Variants in SERF1B observed in about 807,000 individuals in gnomAD.
SERF1B encodes small EDRK-rich factor 1.
chr5:70,029,285 G>A (rs1283128492), intron 2 of SERF1B, among the ~76,000 whole-genome samples: 10 of 151,794 alleles, frequency 6.6e-5, no homozygotes, highest in South Asian at 2.1e-4. Flanking sequence ...GCAGGCGTCC[G>A]CCACCATGCC....
rs1162118649 is a variant in SERF1B at position 70,041,421 on chromosome 5, C to T, written c.117-103C>T. On this transcript the variant is annotated intron_variant, in intron 2 of 2. Coordinates refer to ENST00000380750, the MANE Select transcript of SERF1B (RefSeq NM_022978.3). ...ATGCAAACATGCATACACACACATA[C>T]ACATAAATAAGGGGTGTGGGAATGT... is the stretch of plus-strand genomic sequence containing the variant. 3 of 673,914 alleles carry T rather than the reference C, an allele frequency of 4.5e-6. No individual in the cohort carries two copies. In the African/African-American group the frequency reaches 5.4e-5, roughly 12 times the overall value. 41.7% of individuals were successfully genotyped at this position (673,914 alleles called of 1,614,324 possible). A position where few individuals can be genotyped will look rare whatever the true frequency, so the allele number is the denominator to read the frequency against.
intron 2 of SERF1B, among the ~76,000 whole-genome samples, chr5:70,036,600 C>A (rs1774188594): frequency 9.8e-6 from 1 of 101,606 alleles, no homozygotes; most frequent in African/African-American, 4.3e-5. Flanking sequence ...AACATACACA[C>A]ACACACACAC....
At chr5:70,028,995 T>G (rs1290727793) in intron 2 of SERF1B, among the ~76,000 whole-genome samples, 2 of 151,946 alleles carry the variant, frequency 1.3e-5, no homozygotes, top group African/African-American at 4.8e-5. Flanking sequence ...AACCTTTATG[T>G]GTACAATGTG....
intron 2 of SERF1B, among the ~76,000 whole-genome samples, chr5:70,028,927 A>G (rs1463498169): frequency 6.6e-6 from 1 of 151,540 alleles, no homozygotes; most frequent in Non-Finnish European, 1.5e-5. Context: ...CAGTGAGCTG[A>G]GATCGCGCCA....
chr5:70,035,383 A>ATTATTTTTTT (rs1554065471), intron 2 of SERF1B, among the ~76,000 whole-genome samples: 2 of 136,576 alleles, frequency 1.5e-5, no homozygotes, highest in Non-Finnish European at 3.2e-5. Flanking sequence ...TATTATTATT[A>ATTATTTTTTT]TTTTTTTTTT....
At chr5:70,041,195 T>C (rs952330464) in intron 2 of SERF1B, among the ~76,000 whole-genome samples, 3 of 148,812 alleles carry the variant, frequency 2.0e-5, no homozygotes, top group African/African-American at 7.4e-5. Context: ...ATACCAGCAT[T>C]AGGTATTATC....
chr5:70,037,972 A>C lies in SERF1B; in HGVS notation c.117-3552A>C, dbSNP rs1482837410. On this transcript the variant is annotated intron_variant, in intron 2 of 2. Transcript: ENST00000380750. ...CAAGACTCTGTCTCAAAAAAAAAACAAAAAAAAAAACATACAAACCGAATT... is the reference window on the plus strand; with the variant it reads ...CAAGACTCTGTCTCAAAAAAAAAACCAAAAAAAAAACATACAAACCGAATT... 3.7e-5 allele frequency among the ~76,000 whole-genome samples: 4 copies of C among 107,150 alleles called. 1 individual carries two copies. Among genetic ancestry groups the C allele is most frequent in the Non-Finnish European group, 7.2e-5 (4 of 55,820 alleles). The allele number at this position is 107,150 out of a possible 152,430, so 70.3% of individuals were successfully genotyped here. A position where few individuals can be genotyped will look rare whatever the true frequency, so the allele number is the denominator to read the frequency against.
chr5:70,029,096 T>C (rs1192511270), intron 2 of SERF1B, among the ~76,000 whole-genome samples: 1 of 151,918 alleles, frequency 6.6e-6, no homozygotes, highest in East Asian at 1.9e-4. Context: ...GGTCGAGCAT[T>C]AAAAAGCACC....
At chr5:70,037,457 C>G (rs1252787226) in intron 2 of SERF1B, among the ~76,000 whole-genome samples, 1 of 130,570 alleles carries the variant, frequency 7.7e-6, no homozygotes, top group Non-Finnish European at 1.6e-5. Context: ...CAAGACCAGC[C>G]TGGCCAATAT....
intron 2 of SERF1B, among the ~76,000 whole-genome samples, chr5:70,037,874 T>A (rs1774216546): frequency 8.3e-6 from 1 of 120,168 alleles, no homozygotes; most frequent in Admixed American, 8.1e-5. Context: ...GGCAAGAGAA[T>A]TTCTTGACTC....
intron 2 of SERF1B, among the ~76,000 whole-genome samples, chr5:70,036,653 TC>T (rs1774193745): frequency 2.0e-5 from 3 of 150,622 alleles, no homozygotes; most frequent in Admixed American, 2.0e-4. Flanking sequence ...TCTCTCTCTC[TC>T]TCTCTCTCTC....
At chr5:70,038,503 G>A (rs1202717575) in intron 2 of SERF1B, among the ~76,000 whole-genome samples, 1 of 49,072 alleles carries the variant, frequency 2.0e-5, no homozygotes, top group East Asian at 4.8e-4. Context: ...CCAGCTACTC[G>A]GGAGGCTGAG....
At chr5:70,038,177 T>C (rs1190179208) in intron 2 of SERF1B, among the ~76,000 whole-genome samples, 1 of 150,604 alleles carries the variant, frequency 6.6e-6, no homozygotes, top group African/African-American at 2.5e-5. Flanking sequence ...TATGAACATA[T>C]ATCACATGAC....
chr5:70,029,327 G>A (rs1212610226), intron 2 of SERF1B, among the ~76,000 whole-genome samples: 1 of 151,620 alleles, frequency 6.6e-6, no homozygotes, highest in Non-Finnish European at 1.5e-5. Flanking sequence ...GTAGAGACTG[G>A]GTTTCACCGT....
rs1212936359 is a variant in SERF1B at position 70,036,594 on chromosome 5, T to TACAC, written c.117-4897_117-4894dup. Among the ~76,000 whole-genome samples, 439 of 106,184 alleles carry TACAC rather than the reference T, an allele frequency of 4.1e-3. 4 individuals carry two copies. The highest frequency in any genetic ancestry group is 7.9e-3 in the African/African-American group (160 of 20,134). The allele number at this position is 106,184 out of a possible 152,430, so 69.7% of individuals were successfully genotyped here. ...AAGAGTGGGACCCTGTCTCAAAACA[T>TACAC]ACACACACACACACACACACACACA... is the stretch of plus-strand genomic sequence containing the variant. On this transcript the variant is annotated intron_variant, in intron 2 of 2. Coordinates refer to ENST00000380750, the MANE Select transcript of SERF1B (RefSeq NM_022978.3).
intron 2 of SERF1B, among the ~76,000 whole-genome samples, chr5:70,035,387 T>TATTATTA (rs1464535761): frequency 1.4e-5 from 2 of 138,914 alleles, no homozygotes; most frequent in East Asian, 4.0e-4. Flanking sequence ...ATTATTATTT[T>TATTATTA]TTTTTTTTTT....
At chr5:70,029,043 T>G (rs1197419469) in intron 2 of SERF1B, among the ~76,000 whole-genome samples, 2 of 152,020 alleles carry the variant, frequency 1.3e-5, no homozygotes, top group African/African-American at 4.8e-5. Context: ...ATCTCTATGC[T>G]CAAACATTTA....
intron 2 of SERF1B, among the ~76,000 whole-genome samples, chr5:70,038,139 G>C (rs1023284941): frequency 5.5e-5 from 8 of 146,634 alleles, no homozygotes; most frequent in Non-Finnish European, 9.0e-5. Context: ...GGCTATAATT[G>C]ACATAATCCT....
At chr5:70,037,759 A>G (rs1346374573) in intron 2 of SERF1B, among the ~76,000 whole-genome samples, 1 of 111,856 alleles carries the variant, frequency 8.9e-6, no homozygotes. Flanking sequence ...TCAGGAGTTC[A>G]AGACCAGCCT....
Sources: allele counts gnomAD v4.1 joint callset (sites outside exome capture counted in the v4.1 genomes callset), GRCh38; gene constraint gnomAD v4.1.1; transcripts MANE v1.5; gene names NCBI Gene and HGNC (gene_info 2026-07-23, HGNC 2026-07-21).